The following EFCAB6 variants were observed in gnomAD, a reference collection of about 807,000 sequenced individuals.
EFCAB6 encodes the protein EF-hand calcium-binding domain-containing protein 6.
A neutral mutation model predicts 169.8 loss-of-function variants in EFCAB6; 156 were observed. That is an observed-to-expected ratio of 0.92 (90% CI 0.81 to 1.05). EFCAB6 has a LOEUF of 1.05. Among genes scored for constraint, EFCAB6 ranks in the 50% least tolerant of loss-of-function variants. The probability of loss-of-function intolerance (pLI) is 0.00; values close to 1 mark genes in which losing one functional copy is unlikely to be tolerated. For missense variants in EFCAB6, 1,800 were observed against 1,829.1 expected (o/e 0.98, Z 0.29); for synonymous variants, 698 against 676.4 (o/e 1.03, Z -0.50).
intron 8 of EFCAB6, among the ~76,000 whole-genome samples, chr22:43,729,987 C>A (rs536278285): frequency 2.0e-5 from 3 of 150,946 alleles, no homozygotes; most frequent in African/African-American, 2.4e-5. Context: ...ATAGTGAGAC[C>A]CTGTCTCTAG....
Position 43,786,947 on chromosome 22 carries a change from GA to G in EFCAB6, c.-7-4623del, listed in dbSNP as rs929831997. Among the ~76,000 whole-genome samples, 41 of 151,118 alleles carry G rather than the reference GA, an allele frequency of 2.7e-4. No individual in the cohort carries two copies. The East Asian group carries it at 5.4e-3, about 20-fold the overall frequency. ...GTGATAAACCATATTATTAATCAAG[GA>G]AAAAAAACACATAATAATCTCACTA... On this transcript the variant is annotated intron_variant, in intron 2 of 31. Transcript: ENST00000262726.
intron 23 of EFCAB6, among the ~76,000 whole-genome samples, chr22:43,599,675 T>C (rs1049354926): frequency 6.6e-6 from 1 of 152,158 alleles, no homozygotes; most frequent in Non-Finnish European, 1.5e-5. Flanking sequence ...CCTTTATTCA[T>C]TCAACAGATA....
At chr22:43,785,440 A>G (rs2062042227) in intron 2 of EFCAB6, among the ~76,000 whole-genome samples, 2 of 152,206 alleles carry the variant, frequency 1.3e-5, no homozygotes, top group South Asian at 4.1e-4. Flanking sequence ...CAAAAGAGAA[A>G]TTACCAAATA....
intron 6 of EFCAB6, among the ~76,000 whole-genome samples, chr22:43,738,405 CAT>C (rs1235316616): frequency 4.6e-5 from 7 of 151,380 alleles, no homozygotes; most frequent in South Asian, 2.1e-4. Context: ...TGTACTCACA[CAT>C]CTCTCACACA....
intron 11 of EFCAB6, among the ~76,000 whole-genome samples, chr22:43,684,796 T>C (rs2058128267): frequency 6.6e-6 from 1 of 152,238 alleles, no homozygotes; most frequent in Admixed American, 6.5e-5. Flanking sequence ...AGATGCTTTT[T>C]ACAGCAGATT....
At chr22:43,786,259 A>C (rs1263665704) in intron 2 of EFCAB6, among the ~76,000 whole-genome samples, 2 of 151,926 alleles carry the variant, frequency 1.3e-5, no homozygotes, top group East Asian at 3.9e-4. Context: ...GCTACCCGGG[A>C]GGCTGAGGCA....
At chr22:43,611,608 G>A (rs549392429) in intron 21 of EFCAB6, among the ~76,000 whole-genome samples, 1 of 152,040 alleles carries the variant, frequency 6.6e-6, no homozygotes, top group East Asian at 1.9e-4. Context: ...ACAAGTCTGG[G>A]AAACATGGCG....
chr22:43,608,683 G>T, intron 21 of EFCAB6, 83 bp from the exon 22 acceptor site: 1 of 1,345,780 alleles, frequency 7.4e-7, no homozygotes, highest in Non-Finnish European at 1.1e-6. Flanking sequence ...TCAATATGTG[G>T]GAAACTCTAA....
intron 5 of EFCAB6, among the ~76,000 whole-genome samples, chr22:43,761,197 T>C (rs2061151459): frequency 6.6e-6 from 1 of 152,236 alleles, no homozygotes; most frequent in Admixed American, 6.5e-5. Flanking sequence ...GCTGCCTTGA[T>C]CTTGGACTGC....
intron 2 of EFCAB6, among the ~76,000 whole-genome samples, chr22:43,784,676 TACACACACACACACACACACACAC>T (rs571679900): frequency 1.6e-5 from 1 of 63,114 alleles, no homozygotes; most frequent in Non-Finnish European, 3.0e-5. Context: ...TATACATATA[TACACACACACACACACACACACAC>T]ACACACACAC....
chr22:43,701,618 A>C (rs969729775), intron 10 of EFCAB6, among the ~76,000 whole-genome samples: 2 of 135,446 alleles, frequency 1.5e-5, no homozygotes, highest in South Asian at 2.4e-4. Context: ...GGAGGAAATA[A>C]CATATTATTT....
Position 43,684,841 on chromosome 22 carries a change from G to C in EFCAB6, c.1143-986C>G, listed in dbSNP as rs1386135999. The stretch of plus-strand genomic sequence containing the variant: ...GGGTACCCCTGACCTAGGGGCTGGA[G>C]AGCTCTTTGCTGTGGGGACTCACTG... On this transcript the variant is annotated intron_variant, in intron 11 of 31. Coordinates refer to ENST00000262726, the MANE Select transcript of EFCAB6 (RefSeq NM_022785.4). Among the ~76,000 whole-genome samples, 4 of 152,314 alleles carry C rather than the reference G, an allele frequency of 2.6e-5. No homozygotes were observed. The East Asian group carries it at 7.7e-4, about 29-fold the overall frequency.
intron 17 of EFCAB6, among the ~76,000 whole-genome samples, chr22:43,656,183 G>T (rs570208340): frequency 3.3e-5 from 5 of 152,104 alleles, no homozygotes; most frequent in African/African-American, 1.2e-4. Context: ...CTGAGGTCAG[G>T]AGTTTGATAC....
chr22:43,642,612 G>A (rs2055876190), intron 17 of EFCAB6, among the ~76,000 whole-genome samples: 1 of 152,184 alleles, frequency 6.6e-6, no homozygotes, highest in Admixed American at 6.5e-5. Context: ...AGAGTACTAT[G>A]GCTAGAAAAT....
intron 17 of EFCAB6, among the ~76,000 whole-genome samples, chr22:43,647,928 CA>C (rs2056266083): frequency 1.3e-5 from 2 of 152,280 alleles, no homozygotes; most frequent in Admixed American, 1.3e-4. Flanking sequence ...ACCTTGATTC[CA>C]AACTCCTGGC....
At chr22:43,626,793 G>T in intron 19 of EFCAB6, 114 bp from the exon 20 acceptor site, 1 of 918,030 alleles carries the variant, frequency 1.1e-6, no homozygotes, top group Non-Finnish European at 1.7e-6. Flanking sequence ...GCTTGGCTGG[G>T]CCCCAACTAT....
chr22:43,739,908 G>A (rs1037814588), intron 6 of EFCAB6, among the ~76,000 whole-genome samples: 9 of 151,846 alleles, frequency 5.9e-5, no homozygotes, highest in South Asian at 2.1e-4. Flanking sequence ...CATGCCCTCC[G>A]TGGCCAAAAC....
chr22:43,765,693 A>C (rs1053768040), intron 4 of EFCAB6, among the ~76,000 whole-genome samples: 59 of 152,204 alleles, frequency 3.9e-4, no homozygotes, highest in African/African-American at 1.4e-3. Flanking sequence ...TACTCTATAT[A>C]TACTCTAATA....
intron 27 of EFCAB6, among the ~76,000 whole-genome samples, chr22:43,544,903 A>G (rs2047957967): frequency 6.6e-6 from 1 of 152,120 alleles, no homozygotes; most frequent in Non-Finnish European, 1.5e-5. Flanking sequence ...CAGGCAGATC[A>G]CGAGGTCAGG....
Sources: gnomAD v4.1 joint callset for allele counts (sites outside exome capture counted in the v4.1 genomes callset) on GRCh38, gnomAD v4.1.1 for gene constraint, MANE v1.5 for transcripts, NCBI Gene and HGNC (gene_info 2026-07-23, HGNC 2026-07-21) for gene names.